Variants in QTMAN observed in about 807,000 individuals in gnomAD.
QTMAN encodes the protein queuosine-tRNA mannosyltransferase, also known as tRNA-queuosine alpha-mannosyltransferase.
At chr2:144,118,429 T>C in the QTMAN span, among the ~76,000 whole-genome samples, 2 of 152,196 alleles carry the variant, frequency 1.3e-5, no homozygotes, top group Non-Finnish European at 2.9e-5. Context: ...AGTATCTCTC[T>C]GGCTATTACC....
At chr2:144,157,635 G>T in the QTMAN span, among the ~76,000 whole-genome samples, 1 of 151,984 alleles carries the variant, frequency 6.6e-6, no homozygotes, top group Admixed American at 6.6e-5. Flanking sequence ...AATTATTTTT[G>T]TGTTGAAGGC....
the QTMAN span, among the ~76,000 whole-genome samples, chr2:144,130,312 T>C: frequency 6.6e-6 from 1 of 151,830 alleles, no homozygotes; most frequent in Non-Finnish European, 1.5e-5. Flanking sequence ...AGTGCACACA[T>C]AGAAAAGTAC....
the QTMAN span, among the ~76,000 whole-genome samples, chr2:144,021,482 C>G: frequency 1.3e-5 from 2 of 152,080 alleles, no homozygotes; most frequent in African/African-American, 2.4e-5. Flanking sequence ...GACACAGAAT[C>G]CAGGACATAG....
At chr2:144,314,739 C>A in the QTMAN span, among the ~76,000 whole-genome samples, 5 of 151,726 alleles carry the variant, frequency 3.3e-5, no homozygotes, top group Non-Finnish European at 7.4e-5. Context: ...AGAAACAGTG[C>A]GTAACGGAAC....
chr2:144,005,612 T>C, the QTMAN span: 2 of 152,126 alleles, frequency 1.3e-5, no homozygotes, highest in Non-Finnish European at 2.9e-5. Context: ...TGCGGCTTTT[T>C]TCCCTCTTCT....
chr2:144,173,706 G>A, the QTMAN span, among the ~76,000 whole-genome samples: 6 of 152,110 alleles, frequency 3.9e-5, no homozygotes, highest in Non-Finnish European at 8.8e-5. Flanking sequence ...TGGTTTATTT[G>A]ACTCCACTAA....
At chr2:144,266,101 G>A in the QTMAN span, among the ~76,000 whole-genome samples, 2 of 152,224 alleles carry the variant, frequency 1.3e-5, no homozygotes, top group African/African-American at 4.8e-5. Context: ...AAGAAAGTGA[G>A]AAAGTAGGAC....
the QTMAN span, among the ~76,000 whole-genome samples, chr2:144,065,847 TA>T: frequency 2.0e-5 from 3 of 150,670 alleles, no homozygotes; most frequent in African/African-American, 7.3e-5. Flanking sequence ...TATAAAATAA[TA>T]CTGTCCATTA....
the QTMAN span, among the ~76,000 whole-genome samples, chr2:144,037,893 A>G: frequency 2.0e-5 from 3 of 152,222 alleles, no homozygotes; most frequent in Admixed American, 2.0e-4. Flanking sequence ...CAATAGCTAG[A>G]TGATTATAGG....
chr2:143,995,846 T>C, the QTMAN span, among the ~76,000 whole-genome samples: 1 of 152,168 alleles, frequency 6.6e-6, no homozygotes, highest in Non-Finnish European at 1.5e-5. Context: ...AGCTTCCAAC[T>C]TGAAATCTCC....
chr2:144,306,546 T>C, the QTMAN span, among the ~76,000 whole-genome samples: 1 of 152,266 alleles, frequency 6.6e-6, no homozygotes, highest in African/African-American at 2.4e-5. Context: ...CCCACCCTCA[T>C]GACCTCACCT....
At chr2:144,005,233 T>C in the QTMAN span, among the ~76,000 whole-genome samples, 1 of 152,104 alleles carries the variant, frequency 6.6e-6, no homozygotes, top group African/African-American at 2.4e-5. Context: ...TATATGAGCA[T>C]AAAGTGCTTT....
the QTMAN span, among the ~76,000 whole-genome samples, chr2:144,233,999 A>T: frequency 6.6e-6 from 1 of 152,014 alleles, no homozygotes; most frequent in Non-Finnish European, 1.5e-5. Context: ...AGACCATAAA[A>T]TCCAGGCCAA....
At chr2:143,995,566 G>A in the QTMAN span, among the ~76,000 whole-genome samples, 1 of 152,072 alleles carries the variant, frequency 6.6e-6, no homozygotes, top group Non-Finnish European at 1.5e-5. Context: ...GAAGAAAACT[G>A]AAGTTAGAGA....
At chr2:144,179,713 G>C in the QTMAN span, among the ~76,000 whole-genome samples, 1 of 152,146 alleles carries the variant, frequency 6.6e-6, no homozygotes, top group Non-Finnish European at 1.5e-5. Context: ...CAAAACTCAA[G>C]AAGTATAGTT....
At chr2:144,011,208 A>ATACCAC in the QTMAN span, among the ~76,000 whole-genome samples, 1 of 152,122 alleles carries the variant, frequency 6.6e-6, no homozygotes, top group Non-Finnish European at 1.5e-5. Context: ...TTTAGTTTTC[A>ATACCAC]TACACTCTGT....
At chr2:144,284,027 AAG>A in the QTMAN span, among the ~76,000 whole-genome samples, 1 of 152,090 alleles carries the variant, frequency 6.6e-6, no homozygotes, top group African/African-American at 2.4e-5. Context: ...AAATATTAGA[AAG>A]AAAATTTTAA....
chr2:144,095,068 T>C, the QTMAN span, among the ~76,000 whole-genome samples: 1 of 152,106 alleles, frequency 6.6e-6, no homozygotes, highest in South Asian at 2.1e-4. Context: ...AAAGTTAAAC[T>C]CCTTTTTAAA....
chr2:144,066,554 G>A, the QTMAN span, among the ~76,000 whole-genome samples: 3 of 152,320 alleles, frequency 2.0e-5, no homozygotes, highest in Non-Finnish European at 4.4e-5. Flanking sequence ...AGCGGCTTAC[G>A]CCTGTAATCC....
Sources: gnomAD v4.1 joint callset for allele counts (sites outside exome capture counted in the v4.1 genomes callset) on GRCh38, gnomAD v4.1.1 for gene constraint, MANE v1.5 for transcripts, NCBI Gene and HGNC (gene_info 2026-07-23, HGNC 2026-07-21) for gene names.